ABCB7: variants seen among roughly 807,000 people sequenced by gnomAD.
ABCB7 encodes the protein ATP binding cassette subfamily B member 7.
ABCB7 carries 7 observed loss-of-function variants against 54.4 expected under a neutral mutation model. That is an observed-to-expected ratio of 0.13 (90% CI 0.07 to 0.24). The LOEUF (loss-of-function observed/expected upper bound fraction) is 0.24. ABCB7 is among the 10% of genes least tolerant of loss of function. The pLI is 1.00. For synonymous variants in ABCB7, 218 were observed against 207.1 expected, an observed-to-expected ratio of 1.05 and a Z score of -0.45; for missense variants, 356 against 570.4, an observed-to-expected ratio of 0.62 and a Z score of 3.83.
intron 3 of ABCB7, among the ~76,000 whole-genome samples, chrX:75,112,219 G>A (rs895148973): frequency 2.7e-5 from 3 of 111,494 alleles, no homozygotes; most frequent in Non-Finnish European, 5.6e-5. Flanking sequence ...CACCAACCCT[G>A]AAAATATCAT....
At chrX:75,069,977 C>T (rs1268666054) in intron 10 of ABCB7, among the ~76,000 whole-genome samples, 1 of 110,900 alleles carries the variant, frequency 9.0e-6, no homozygotes, top group Non-Finnish European at 1.9e-5. Flanking sequence ...CAGGTTCAAG[C>T]GATTCTCCTG....
At chrX:75,149,313 G>T (rs1425570817) in intron 1 of ABCB7, among the ~76,000 whole-genome samples, 1 of 111,937 alleles carries the variant, frequency 8.9e-6, no homozygotes, top group Non-Finnish European at 1.9e-5. Flanking sequence ...CTTAGCAAAT[G>T]ATGCTCACAA....
chrX:75,055,303 T>C (rs914798074), intron 15 of ABCB7, among the ~76,000 whole-genome samples: 2 of 110,045 alleles, frequency 1.8e-5, no homozygotes, highest in African/African-American at 6.6e-5. Flanking sequence ...AATCTGAGAA[T>C]GAGCTGCAGA....
At chrX:75,115,410 CTTTTTTTTT>C (rs747398607) in intron 1 of ABCB7, among the ~76,000 whole-genome samples, 18 of 30,175 alleles carry the variant, frequency 6.0e-4, no homozygotes, top group South Asian at 1.8e-3. Flanking sequence ...TGTCTCTTTT[CTTTTTTTTT>C]TTTTTTTTTT....
At chrX:75,058,813 T>G (rs186697264) in intron 15 of ABCB7, among the ~76,000 whole-genome samples, 58 of 111,784 alleles carry the variant, frequency 5.2e-4, no homozygotes, top group African/African-American at 1.8e-3. Context: ...CAACTTCTAT[T>G]TGTAATAAAA....
chrX:75,072,003 C>T (rs368102521), intron 8 of ABCB7, among the ~76,000 whole-genome samples: 9 of 111,327 alleles, frequency 8.1e-5, no homozygotes, highest in Non-Finnish European at 1.7e-4. Context: ...TTCCCACTAC[C>T]CTCACAACAT....
chrX:75,150,084 T>C (rs1021197871), intron 1 of ABCB7, among the ~76,000 whole-genome samples: 5 of 111,215 alleles, frequency 4.5e-5, no homozygotes. Flanking sequence ...ATAATCTAGA[T>C]GTGCTGTATA....
chrX:75,060,375 T>G lies in ABCB7; in HGVS notation c.1936-45A>C, dbSNP rs758041116. ...AAGAACAGGAGAAAATAAAAAGAAGTACACATTAGGCAAATGTAAATTAAA... is the reference window on the plus strand; with the variant it reads ...AAGAACAGGAGAAAATAAAAAGAAGGACACATTAGGCAAATGTAAATTAAA... On this transcript the variant is annotated intron_variant, in intron 14 of 15. Coordinates refer to ENST00000373394, the MANE Select transcript of ABCB7 (RefSeq NM_001271696.3). The G allele has an allele frequency of 4.2e-6, 4 of 961,998 alleles. No homozygotes were observed. The Admixed American group carries it at 8.9e-5, about 21-fold the overall frequency. The allele number at this position is 961,998 out of a possible 1,213,427, so 79.3% of individuals were successfully genotyped here. A position where few individuals can be genotyped will look rare whatever the true frequency, so the allele number is the denominator to read the frequency against.
At chrX:75,077,876 C>T (rs757678203) in intron 4 of ABCB7, among the ~76,000 whole-genome samples, 3 of 109,777 alleles carry the variant, frequency 2.7e-5, no homozygotes, top group Non-Finnish European at 5.7e-5. Flanking sequence ...AATCTGATTC[C>T]CCTGTAGCCA....
chrX:75,072,296 T>C (rs2081369170), intron 8 of ABCB7, among the ~76,000 whole-genome samples: 1 of 111,632 alleles, frequency 9.0e-6, no homozygotes, highest in South Asian at 3.8e-4. Context: ...ATCAAGATGC[T>C]AACGGTACAC....
chrX:75,064,218 A>AT (rs1013945445), intron 13 of ABCB7, among the ~76,000 whole-genome samples: 13 of 111,751 alleles, frequency 1.2e-4, no homozygotes, highest in African/African-American at 4.2e-4. Flanking sequence ...TTTATGCTTC[A>AT]TTTTTTTAAC....
rs1216628099 is a variant in ABCB7, at chrX:75,060,365, T to C, written c.1936-35A>G. 3 of 1,010,325 alleles carry C rather than the reference T, an allele frequency of 3.0e-6. No homozygotes were observed. In the African/African-American group the frequency reaches 5.6e-5, roughly 19 times the overall value. 83.3% of individuals were successfully genotyped at this position (1,010,325 alleles called of 1,213,427 possible). The stretch of plus-strand genomic sequence containing the variant: ...TGGTAATATGAAGAACAGGAGAAAA[T>C]AAAAAGAAGTACACATTAGGCAAAT... On this transcript the variant is annotated intron_variant, in intron 14 of 15. Coordinates refer to ENST00000373394, the MANE Select transcript of ABCB7 (RefSeq NM_001271696.3).
intron 1 of ABCB7, among the ~76,000 whole-genome samples, chrX:75,123,606 T>A (rs1313524017): frequency 8.9e-6 from 1 of 111,989 alleles, no homozygotes; most frequent in Admixed American, 9.5e-5. Context: ...GTGGAAATTT[T>A]TATAATATTA....
intron 4 of ABCB7, among the ~76,000 whole-genome samples, chrX:75,083,328 T>C (rs1478369340): frequency 9.0e-6 from 1 of 111,536 alleles, no homozygotes; most frequent in African/African-American, 3.3e-5. Context: ...AATGTCCTCA[T>C]GGAGTCAAAA....
intron 4 of ABCB7, among the ~76,000 whole-genome samples, chrX:75,094,013 T>TATATAC (rs1360376588): frequency 1.9e-3 from 119 of 63,620 alleles, no homozygotes; most frequent in African/African-American, 7.5e-3. Context: ...ATGTTTCTGT[T>TATATAC]ATATACATAT....
Position 75,085,542 on chromosome X carries a change from G to A in ABCB7, c.454-8888C>T, listed in dbSNP as rs187585515. ...TGGTGGTAATTACATGAATACACAC[G>A]TGTTAAAAATTATGGAACTGTATAC... On this transcript the variant is annotated intron_variant, in intron 4 of 15. Transcript: ENST00000373394. 2.7e-3 allele frequency among the ~76,000 whole-genome samples: 300 copies of A among 111,056 alleles called. 1 individual carries two copies. The highest frequency in any genetic ancestry group is 0.019 in the Middle Eastern group (4 of 213).
At position 75,121,060 on chromosome X, in the gene ABCB7, G is replaced by A. The variant is rs192300697; in HGVS notation, c.169-6229C>T. Reference sequence around the variant, plus strand: ...TCCCAGCACTTTGGGAGGCTGAGGCGGGCGGATCACTTGGGGTCAGGAGTT... The same window carrying A: ...TCCCAGCACTTTGGGAGGCTGAGGCAGGCGGATCACTTGGGGTCAGGAGTT... On this transcript the variant is annotated intron_variant, in intron 1 of 15. Transcript: ENST00000373394. 7.3e-4 allele frequency among the ~76,000 whole-genome samples: 80 copies of A among 110,250 alleles called. 1 individual carries two copies. Among genetic ancestry groups the A allele is most frequent in the Non-Finnish European group, 1.1e-3 (56 of 52,650 alleles).
Position 75,075,642 on chromosome X carries a change from T to C in ABCB7, c.587-12A>G. On this transcript the variant is annotated splice_polypyrimidine_tract_variant and intron_variant, in intron 5 of 15. Coordinates refer to ENST00000373394, the MANE Select transcript of ABCB7 (RefSeq NM_001271696.3). ...TCTTGATACACCATCTAACAATACA[T>C]TCAAAAGAAAAAATAGGATGTAACA... 2 of 1,197,022 alleles carry C rather than the reference T, an allele frequency of 1.7e-6. No homozygotes were observed. Among genetic ancestry groups the C allele is most frequent in the Non-Finnish European group, 2.3e-6 (2 of 884,517 alleles).
chrX:75,138,629 C>G (rs1163366214), intron 1 of ABCB7, among the ~76,000 whole-genome samples: 2 of 111,470 alleles, frequency 1.8e-5, no homozygotes, highest in Non-Finnish European at 3.8e-5. Context: ...TAGTAGTTCC[C>G]AAGCCTGAAT....
Sources: allele counts gnomAD v4.1 joint callset (sites outside exome capture counted in the v4.1 genomes callset), GRCh38; gene constraint gnomAD v4.1.1; transcripts MANE v1.5; gene names NCBI Gene and HGNC (gene_info 2026-07-23, HGNC 2026-07-21).